RYK: variants seen among roughly 807,000 people sequenced by gnomAD.
The protein encoded by RYK is receptor like tyrosine kinase, also known as inactive tyrosine-protein kinase RYK.
A neutral mutation model predicts 70.2 loss-of-function variants in RYK; 21 were observed. The observed-to-expected ratio is 0.30, with a 90% CI of 0.21 to 0.43. The LOEUF is 0.43. Ranked by LOEUF, RYK falls within the 20% of genes least tolerant of loss-of-function variation. The pLI, the probability that RYK is intolerant of heterozygous loss-of-function variation, is 1.00. For synonymous variants in RYK, 267 were observed against 278.0 expected, an observed-to-expected ratio of 0.96 and a Z score of 0.39; for missense variants, 604 against 753.3, an observed-to-expected ratio of 0.80 and a Z score of 2.32.
At chr3:134,170,792 A>G in intron 13 of RYK, 1 of 153,356 alleles carries the variant, frequency 6.5e-6, no homozygotes, top group South Asian at 1.9e-4. Flanking sequence ...GTCACTGTCC[A>G]GATTCTTCCT....
chr3:134,224,232 G>T (rs563799644), intron 1 of RYK, among the ~76,000 whole-genome samples: 41 of 152,238 alleles, frequency 2.7e-4, no homozygotes, highest in African/African-American at 9.6e-4. Context: ...AAGGCAAGGG[G>T]GCAGGGTAAG....
chr3:134,239,809 A>C (rs2015277416), intron 1 of RYK, among the ~76,000 whole-genome samples: 1 of 152,276 alleles, frequency 6.6e-6, no homozygotes, highest in South Asian at 2.1e-4. Flanking sequence ...CAGATGCTTA[A>C]AACAGTGTGA....
At chr3:134,247,607 CAGG>C (rs915516075) in intron 1 of RYK, among the ~76,000 whole-genome samples, 18 of 151,470 alleles carry the variant, frequency 1.2e-4, no homozygotes, top group African/African-American at 4.4e-4. Flanking sequence ...GAGGCTGAGG[CAGG>C]AGAATCGCTT....
At chr3:134,210,456 A>G (rs2014355637) in intron 3 of RYK, among the ~76,000 whole-genome samples, 1 of 152,156 alleles carries the variant, frequency 6.6e-6, no homozygotes, top group Non-Finnish European at 1.5e-5. Flanking sequence ...TCATTCTACC[A>G]TCTGTATGAC....
intron 7 of RYK, among the ~76,000 whole-genome samples, chr3:134,193,187 CTT>C (rs59588313): frequency 3.5e-5 from 5 of 143,702 alleles, no homozygotes; most frequent in South Asian, 2.2e-4. Flanking sequence ...TTTCCCTTGA[CTT>C]TTTTTTTTTT....
At chr3:134,172,823 T>G (rs2012966680) in intron 13 of RYK, among the ~76,000 whole-genome samples, 1 of 152,190 alleles carries the variant, frequency 6.6e-6, no homozygotes, top group African/African-American at 2.4e-5. Flanking sequence ...CACTGCTCTA[T>G]AAGCTGAACC....
intron 13 of RYK, among the ~76,000 whole-genome samples, chr3:134,170,233 T>A (rs915765725): frequency 7.2e-5 from 11 of 152,218 alleles, no homozygotes; most frequent in African/African-American, 2.7e-4. Flanking sequence ...ATGTGAGCAC[T>A]TTCTAGGAGT....
intron 6 of RYK, among the ~76,000 whole-genome samples, chr3:134,196,955 C>T (rs1576515901): frequency 6.6e-6 from 1 of 152,290 alleles, no homozygotes; most frequent in South Asian, 2.1e-4. Flanking sequence ...CATGCCTTCC[C>T]TGAAGATGTC....
intron 11 of RYK, 61 bp downstream of exon 11, chr3:134,177,880 T>C (rs2013162776): frequency 7.0e-7 from 1 of 1,424,326 alleles, no homozygotes; most frequent in East Asian, 2.3e-5. Context: ...TAATATCTAC[T>C]TTCAAAGACA....
chr3:134,175,111 G>A (rs1392785231), intron 13 of RYK, among the ~76,000 whole-genome samples: 2 of 152,148 alleles, frequency 1.3e-5, no homozygotes, highest in African/African-American at 2.4e-5. Flanking sequence ...GGAGGCAGGT[G>A]GATCAACTGA....
rs1463309681 is a variant in RYK at position 134,202,772 on chromosome 3, A to G, written c.746T>C (p.Val249Ala). 1.2e-6 allele frequency: 2 copies of G among 1,613,468 alleles called. No individual in the cohort carries two copies. The highest frequency in any genetic ancestry group is 3.3e-5 in the Admixed American group (2 of 60,004). The change falls in exon 6 of 15, where the codon GTT becomes GCT. Residue 249 changes from valine (V) to alanine (A), a missense_variant. Physicochemically the swap from Val to Ala is moderately conservative, Grantham distance 64. Around this residue, in one of 2 missense-constraint regions of RYK, gnomAD observed 466 missense variants for 535.9 expected, o/e 0.87. Transcript: ENST00000623711. ...CCTTTTCATACTATGAAGGTGCAAA[A>G]CAGCTAATATTATTGCTACGAGAAA... Reference protein sequence around the residue: ...VIFLVAIILAVLHLHSMKRIE... With the variant: ...VIFLVAIILAALHLHSMKRIE...
intron 2 of RYK, among the ~76,000 whole-genome samples, chr3:134,221,484 T>C (rs1397506252): frequency 6.6e-6 from 1 of 152,130 alleles, no homozygotes; most frequent in Non-Finnish European, 1.5e-5. Flanking sequence ...ATTACAGGTG[T>C]GAGCTACCAC....
chr3:134,197,343 C>T (rs1302881470), intron 6 of RYK, among the ~76,000 whole-genome samples: 3 of 152,158 alleles, frequency 2.0e-5, no homozygotes, highest in Non-Finnish European at 2.9e-5. Context: ...ACTAGCTGTA[C>T]GGCCTAGGAC....
Position 134,195,162 on chromosome 3 carries a change from G to C in RYK, c.809C>G (p.Ser270Cys). ...GGTGGATGGCTGAGACAGCCCTTGG[G>C]AACTACTGCTGGCACTAATGCTGCA... ...LDDSISASSS[S>C]QGLSQPSTQT... The change falls in exon 7 of 15, where the codon TCC (serine) becomes TGC (cysteine). Residue 270 changes from serine (S) to cysteine (C), a missense_variant. Physicochemically the swap from Ser to Cys is moderately radical, Grantham distance 112 (BLOSUM62 -1). Around this residue, in one of 2 missense-constraint regions of RYK, gnomAD observed 466 missense variants for 535.9 expected, o/e 0.87. Transcript: ENST00000623711. 1 of 1,612,354 alleles carries C rather than the reference G, an allele frequency of 6.2e-7. No homozygotes were observed. The highest frequency in any genetic ancestry group is 8.5e-7 in the Non-Finnish European group (1 of 1,179,056).
chr3:134,214,454 G>C (rs986401576), intron 2 of RYK, among the ~76,000 whole-genome samples: 8 of 152,080 alleles, frequency 5.3e-5, no homozygotes, highest in African/African-American at 1.9e-4. Flanking sequence ...GTATAGCCGT[G>C]AACACCTAGT....
intron 1 of RYK, among the ~76,000 whole-genome samples, chr3:134,242,370 A>G (rs1022164387): frequency 6.6e-6 from 1 of 152,142 alleles, no homozygotes; most frequent in African/African-American, 2.4e-5. Flanking sequence ...TGCTGAACAC[A>G]CAAAAAGAAT....
intron 2 of RYK, among the ~76,000 whole-genome samples, chr3:134,217,113 G>A (rs143203950): frequency 3.6e-3 from 549 of 152,292 alleles, no homozygotes; most frequent in African/African-American, 0.012. Context: ...CGAAAACACT[G>A]AGAAACAGTA....
At chr3:134,192,955 T>C (rs1375496361) in intron 7 of RYK, among the ~76,000 whole-genome samples, 1 of 152,200 alleles carries the variant, frequency 6.6e-6, no homozygotes, top group African/African-American at 2.4e-5. Flanking sequence ...GTTGCGTTGT[T>C]ATCTTAGAAA....
At position 134,210,661 on chromosome 3, in the gene RYK, C is replaced by T. The variant is rs139117914; in HGVS notation, c.455-832G>A. 3.0e-3 allele frequency among the ~76,000 whole-genome samples: 456 copies of T among 152,300 alleles called. 2 individuals carry two copies. Among genetic ancestry groups the T allele is most frequent in the African/African-American group, 9.6e-3 (399 of 41,558 alleles). ...CCATTTCTTACAAATACCACAACTT[C>T]AAGAGCCTAAGAAGTTAGCTCAAAA... On this transcript the variant is annotated intron_variant, in intron 3 of 14. Transcript: ENST00000623711.
Sources: gnomAD v4.1 joint callset for allele counts (sites outside exome capture counted in the v4.1 genomes callset) on GRCh38, gnomAD v4.1.1 for gene constraint, gnomAD v4.1.1 regional missense constraint, MANE v1.5 for transcripts, NCBI Gene and HGNC (gene_info 2026-07-23, HGNC 2026-07-21) for gene names.